SNX6: variants seen among roughly 807,000 people sequenced by gnomAD.
The protein encoded by SNX6 is sorting nexin-6.
A neutral mutation model predicts 63.0 loss-of-function variants in SNX6; 34 were observed. The ratio of observed to expected loss-of-function variants is 0.54; its 90% CI spans 0.41 to 0.72. The LOEUF (loss-of-function observed/expected upper bound fraction) is 0.72. SNX6 is among the 30% of genes least tolerant of loss of function. The probability of loss-of-function intolerance (pLI) is 0.00; values close to 1 mark genes in which losing one functional copy is unlikely to be tolerated. For missense variants in SNX6, 398 were observed against 471.4 expected, an observed-to-expected ratio of 0.84 and a Z score of 1.44; for synonymous variants, 170 against 164.2, an observed-to-expected ratio of 1.04 and a Z score of -0.27.
At chr14:34,565,456 G>GC (rs1326067210) in intron 13 of SNX6, among the ~76,000 whole-genome samples, 2 of 151,744 alleles carry the variant, frequency 1.3e-5, no homozygotes, top group Non-Finnish European at 2.9e-5. Flanking sequence ...GACTACAAAA[G>GC]CAGGTGGGCT....
chr14:34,568,657 TGAGGCAA>T, intron 11 of SNX6: 1 of 813,580 alleles, frequency 1.2e-6, no homozygotes, highest in African/African-American at 1.8e-5. Flanking sequence ...TTTTAACGAA[TGAGGCAA>T]TTTATTAACC....
At chr14:34,597,421 G>T (rs976407986) in intron 7 of SNX6, 129 bp downstream of exon 7, 4 of 638,816 alleles carry the variant, frequency 6.3e-6, no homozygotes, top group Non-Finnish European at 1.1e-5. Flanking sequence ...GATTCCTCCT[G>T]TTCCTAGGAC....
chr14:34,609,260 T>A (rs1883131175), intron 3 of SNX6, among the ~76,000 whole-genome samples: 1 of 151,804 alleles, frequency 6.6e-6, no homozygotes, highest in Non-Finnish European at 1.5e-5. Context: ...ATAACAAGGT[T>A]GGAGATCGAG....
chr14:34,568,874 TTC>T (rs1881313573), intron 11 of SNX6: 7 of 1,137,350 alleles, frequency 6.2e-6, no homozygotes, highest in Non-Finnish European at 9.3e-6. Context: ...ATGCCGCCAC[TTC>T]TCTGACATCC....
intron 2 of SNX6, among the ~76,000 whole-genome samples, chr14:34,626,123 C>T (rs1439303756): frequency 6.6e-6 from 1 of 152,042 alleles, no homozygotes; most frequent in Admixed American, 6.6e-5. Context: ...TATAATGAAA[C>T]AATGATTATG....
chr14:34,563,698 A>G (rs778904695), intron 13 of SNX6, among the ~76,000 whole-genome samples: 31 of 152,060 alleles, frequency 2.0e-4, no homozygotes, highest in Non-Finnish European at 4.0e-4. Context: ...TGTTTCACAT[A>G]CAATAATACT....
chr14:34,615,558 C>A (rs942033041), intron 2 of SNX6, among the ~76,000 whole-genome samples: 2 of 152,048 alleles, frequency 1.3e-5, no homozygotes, highest in Admixed American at 1.3e-4. Flanking sequence ...AGCATGTTAT[C>A]CATTTATATA....
chr14:34,575,865 A>T (rs889389607), intron 10 of SNX6, 23 bp from the exon 11 acceptor site: 19 of 1,377,762 alleles, frequency 1.4e-5, no homozygotes, highest in Middle Eastern at 3.7e-4. Context: ...AAAAAATTGA[A>T]TATTTAATCA....
chr14:34,582,636 C>T (rs1342302760), intron 9 of SNX6, among the ~76,000 whole-genome samples: 1 of 152,150 alleles, frequency 6.6e-6, no homozygotes, highest in Non-Finnish European at 1.5e-5. Flanking sequence ...ACCTCCACCT[C>T]CTGGGTTCAA....
intron 2 of SNX6, among the ~76,000 whole-genome samples, chr14:34,618,665 C>T (rs1024596283): frequency 3.3e-5 from 5 of 152,018 alleles, no homozygotes; most frequent in Admixed American, 6.6e-5. Context: ...TTTTTGAACA[C>T]ACAAACATGC....
intron 2 of SNX6, among the ~76,000 whole-genome samples, chr14:34,620,058 G>C (rs1413221449): frequency 3.3e-5 from 5 of 152,016 alleles, no homozygotes; most frequent in East Asian, 1.9e-4. Context: ...AGTATGGCTA[G>C]AGAAAAGTCA....
rs1475170991 is a variant in SNX6 at position 34,602,391 on chromosome 14, C to A, written c.516+957G>T. Among the ~76,000 whole-genome samples the A allele has an allele frequency of 5.3e-5, 8 of 150,568 alleles. No individual in the cohort carries two copies. The Admixed American group carries it at 5.3e-4, about 10-fold the overall frequency. ...TGGGTGAGCTGAGATCGCACCGTTG[C>A]ACTCCAGCTTGGGAAACAAGAGCGA... On this transcript the variant is annotated intron_variant, in intron 6 of 13. Coordinates refer to ENST00000362031, the MANE Select transcript of SNX6 (RefSeq NM_152233.4).
intron 10 of SNX6, among the ~76,000 whole-genome samples, chr14:34,581,051 T>C (rs1216169319): frequency 1.3e-5 from 2 of 152,232 alleles, no homozygotes; most frequent in Non-Finnish European, 2.9e-5. Flanking sequence ...TTCATCATCC[T>C]TCTGAAGTAC....
intron 2 of SNX6, among the ~76,000 whole-genome samples, chr14:34,615,814 A>G (rs2093726280): frequency 6.6e-6 from 1 of 152,256 alleles, no homozygotes; most frequent in African/African-American, 2.4e-5. Flanking sequence ...AATAAACAAG[A>G]TGTATAATGG....
chr14:34,567,200 A>G (rs894515553), intron 13 of SNX6, among the ~76,000 whole-genome samples: 1 of 151,676 alleles, frequency 6.6e-6, no homozygotes, highest in African/African-American at 2.4e-5. Flanking sequence ...AAAAAGCCCC[A>G]GACTAGCCGG....
In SNX6 at chr14:34,574,941, C is replaced by CA. The variant is rs1881627504; in HGVS notation, c.921+814dup. ...AGTTTCACTCTTGTTGCCCAGGCTGCAGTGCAATGGCGTGATATCTGCTCA... is the reference window on the plus strand; with the variant it reads ...AGTTTCACTCTTGTTGCCCAGGCTGCAAGTGCAATGGCGTGATATCTGCTCA... On this transcript the variant is annotated intron_variant, in intron 11 of 13. Coordinates refer to ENST00000362031, the MANE Select transcript of SNX6 (RefSeq NM_152233.4). 4.0e-5 allele frequency among the ~76,000 whole-genome samples: 6 copies of CA among 151,372 alleles called. No homozygotes were observed. The South Asian group carries it at 1.3e-3, about 32-fold the overall frequency.
At chr14:34,589,410 C>T (rs1407760329) in intron 8 of SNX6, among the ~76,000 whole-genome samples, 2 of 152,120 alleles carry the variant, frequency 1.3e-5, no homozygotes, top group Non-Finnish European at 2.9e-5. Flanking sequence ...TGAGATCACG[C>T]CACTCACTCC....
At chr14:34,578,634 G>GAAAAAAAA (rs1214360269) in intron 10 of SNX6, among the ~76,000 whole-genome samples, 1 of 97,010 alleles carries the variant, frequency 1.0e-5, no homozygotes, top group African/African-American at 3.7e-5. Context: ...GTCTCAAAAA[G>GAAAAAAAA]AAAAAAAAAA....
Position 34,630,138 on chromosome 14 carries a change from G to A in SNX6, c.-22C>T, listed in dbSNP as rs570474611. ...TCATGGCTGCTCCGAGGCGAGGGCC[G>A]GCGCAGGCGCGCATCTCCCTGCTGC... On this transcript the variant is annotated 5_prime_UTR_variant, in exon 1 of 14. Transcript: ENST00000362031. The A allele has an allele frequency of 3.9e-5, 51 of 1,308,320 alleles. 1 individual carries two copies. In the South Asian group the frequency reaches 5.0e-4, roughly 13 times the overall value. The allele number at this position is 1,308,320 out of a possible 1,614,324, so 81.0% of individuals were successfully genotyped here.
Sources: gnomAD v4.1 joint callset for allele counts (sites outside exome capture counted in the v4.1 genomes callset) on GRCh38, gnomAD v4.1.1 for gene constraint, MANE v1.5 for transcripts, NCBI Gene and HGNC (gene_info 2026-07-23, HGNC 2026-07-21) for gene names.